Variants in PRDM10 observed in about 807,000 individuals in gnomAD.
PRDM10 encodes the protein PR domain zinc finger protein 10.
Under a neutral mutation model 133.1 loss-of-function variants are expected in PRDM10, and 65 were observed. The ratio of observed to expected loss-of-function variants is 0.49; its 90% CI spans 0.40 to 0.60. PRDM10 has a LOEUF of 0.60. PRDM10 is among the 20% of genes least tolerant of loss of function. PRDM10 has a pLI of 0.00. For missense variants in PRDM10, 1,137 were observed against 1,507.1 expected, an observed-to-expected ratio of 0.75 and a Z score of 4.07; for synonymous variants, 582 against 580.4, an observed-to-expected ratio of 1.00 and a Z score of -0.04.
chr11:129,971,244 G>A (rs1055666700), intron 1 of PRDM10, among the ~76,000 whole-genome samples: 1 of 152,190 alleles, frequency 6.6e-6, no homozygotes, highest in Non-Finnish European at 1.5e-5. Context: ...CGGTGTGGAA[G>A]GGGACCCGAG....
Position 129,947,841 on chromosome 11 carries a change from G to A in PRDM10, c.295-471C>T, listed in dbSNP as rs1006836558. 2.6e-5 allele frequency among the ~76,000 whole-genome samples: 4 copies of A among 152,198 alleles called. No individual in the cohort carries two copies. Among genetic ancestry groups the A allele is most frequent in the Admixed American group, 2.0e-4 (3 of 15,276 alleles). ...CCGTTTCGATGTGTGCACATGTGAG[G>A]TATCATCAGTTTCCACATCTGAACT... is the stretch of plus-strand genomic sequence containing the variant. On this transcript the variant is annotated intron_variant, in intron 4 of 20. Coordinates refer to ENST00000360871, the MANE Select transcript of PRDM10 (RefSeq NM_199437.2). This position sits in a 1 kb window ranked among gnomAD's most constrained non-coding sequence, Gnocchi z 4.6.
chr11:129,907,785 G>C (rs1950061120), intron 19 of PRDM10, among the ~76,000 whole-genome samples: 2 of 152,034 alleles, frequency 1.3e-5, no homozygotes, highest in African/African-American at 4.8e-5. Flanking sequence ...AAATATATTT[G>C]TGGGTATTAA....
At chr11:129,946,789 G>A (rs1170347218) in intron 5 of PRDM10, among the ~76,000 whole-genome samples, 1 of 152,198 alleles carries the variant, frequency 6.6e-6, no homozygotes, top group Admixed American at 6.5e-5. Context: ...TGTTAAAGCT[G>A]AAGTGGCTGA....
At chr11:129,998,861 T>C (rs1017940633) in intron 1 of PRDM10, among the ~76,000 whole-genome samples, 5 of 151,084 alleles carry the variant, frequency 3.3e-5, no homozygotes, top group African/African-American at 1.2e-4. Context: ...TCACTCTGGT[T>C]GCCCAGGCTG....
intron 13 of PRDM10, among the ~76,000 whole-genome samples, chr11:129,922,289 G>A (rs1443626462): frequency 6.6e-6 from 1 of 152,186 alleles, no homozygotes; most frequent in African/African-American, 2.4e-5. Flanking sequence ...ACACTGGCTG[G>A]ATGGGATGGA....
At chr11:129,970,585 C>A (rs1951998733) in intron 1 of PRDM10, among the ~76,000 whole-genome samples, 1 of 150,530 alleles carries the variant, frequency 6.6e-6, no homozygotes, top group African/African-American at 2.5e-5. Flanking sequence ...TCGCTTGTTG[C>A]CCAGGATGGA....
chr11:129,962,677 G>A (rs1331142727), intron 1 of PRDM10, among the ~76,000 whole-genome samples: 1 of 152,144 alleles, frequency 6.6e-6, no homozygotes, highest in East Asian at 1.9e-4. Context: ...AACCTATTAA[G>A]ATATGTGAAT....
At chr11:129,956,539 A>G (rs1431015145) in intron 3 of PRDM10, among the ~76,000 whole-genome samples, 1 of 152,176 alleles carries the variant, frequency 6.6e-6, no homozygotes, top group Non-Finnish European at 1.5e-5. Context: ...ATTCCAGCCT[A>G]GGAGACAGAG....
intron 11 of PRDM10, among the ~76,000 whole-genome samples, chr11:129,926,895 G>A (rs1318593782): frequency 6.6e-6 from 1 of 152,206 alleles, no homozygotes; most frequent in East Asian, 1.9e-4. Context: ...TACAGCATCT[G>A]CAGAGATTTT....
chr11:129,983,601 A>G (rs147534124), intron 1 of PRDM10, among the ~76,000 whole-genome samples: 2 of 152,266 alleles, frequency 1.3e-5, no homozygotes, highest in African/African-American at 4.8e-5. Context: ...CCCGGCCTAA[A>G]AATCTATTTT....
intron 1 of PRDM10, among the ~76,000 whole-genome samples, chr11:129,977,387 G>A (rs776870879): frequency 2.0e-5 from 3 of 151,746 alleles, no homozygotes; most frequent in Non-Finnish European, 2.9e-5. Context: ...TGGTTCAAAC[G>A]ATTATCCTGC....
intron 1 of PRDM10, among the ~76,000 whole-genome samples, chr11:129,961,454 G>A (rs942851330): frequency 6.6e-6 from 1 of 152,096 alleles, no homozygotes; most frequent in African/African-American, 2.4e-5. Flanking sequence ...ACGGGCACGA[G>A]CAACCATGCC....
chr11:129,966,788 A>G (rs1951916232), intron 1 of PRDM10, among the ~76,000 whole-genome samples: 1 of 152,150 alleles, frequency 6.6e-6, no homozygotes, highest in Non-Finnish European at 1.5e-5. Flanking sequence ...CAGAACAGGT[A>G]ATAGATGCTT....
intron 1 of PRDM10, among the ~76,000 whole-genome samples, chr11:129,975,045 G>A (rs900001940): frequency 3.3e-5 from 5 of 152,180 alleles, no homozygotes; most frequent in Non-Finnish European, 7.3e-5. Flanking sequence ...ATTGTTCAAT[G>A]GGGATGGAGT....
At chr11:129,951,770 C>A (rs1038412159) in intron 4 of PRDM10, among the ~76,000 whole-genome samples, 12 of 152,150 alleles carry the variant, frequency 7.9e-5, no homozygotes, top group Non-Finnish European at 1.5e-4. Flanking sequence ...GGGAGTCACA[C>A]ATGTTCATTT....
At chr11:129,956,990 AAAAAT>A (rs1289189553) in intron 3 of PRDM10, among the ~76,000 whole-genome samples, 1 of 152,256 alleles carries the variant, frequency 6.6e-6, no homozygotes, top group Non-Finnish European at 1.5e-5. Flanking sequence ...GTCACTGGCA[AAAAAT>A]AAAATAAAAG....
intron 6 of PRDM10, among the ~76,000 whole-genome samples, 195 bp downstream of exon 6, chr11:129,944,576 C>T (rs1275218415): frequency 2.8e-5 from 4 of 142,394 alleles, no homozygotes; most frequent in East Asian, 2.2e-4. Flanking sequence ...CAGAGCAAGA[C>T]TCCGTCTCAA....
intron 1 of PRDM10, among the ~76,000 whole-genome samples, chr11:129,988,598 TAGAA>T (rs985582495): frequency 6.0e-5 from 9 of 149,524 alleles, no homozygotes; most frequent in African/African-American, 2.2e-4. Flanking sequence ...AAGCTGTTCT[TAGAA>T]AAAAAAAAAA....
chr11:129,925,839 G>A (rs1239317616), intron 11 of PRDM10, among the ~76,000 whole-genome samples: 2 of 152,178 alleles, frequency 1.3e-5, no homozygotes, highest in African/African-American at 2.4e-5. Flanking sequence ...TGGGGGTGAT[G>A]AAAGTGTGCT....
Sources: allele counts gnomAD v4.1 joint callset (sites outside exome capture counted in the v4.1 genomes callset), GRCh38; gene constraint gnomAD v4.1.1; non-coding constraint Gnocchi (gnomAD v3.1); transcripts MANE v1.5; gene names NCBI Gene and HGNC (gene_info 2026-07-23, HGNC 2026-07-21).